FRAS1: variants seen among roughly 807,000 people sequenced by gnomAD.
FRAS1 encodes extracellular matrix organizing protein FRAS1.
In FRAS1, 290 loss-of-function variants were observed where a neutral mutation model predicts 435.2. That is an observed-to-expected ratio of 0.67 (90% confidence interval 0.61 to 0.73). FRAS1 has a LOEUF of 0.73. Among genes scored for constraint, FRAS1 ranks in the 30% least tolerant of loss-of-function variants. The pLI is 0.00. For synonymous variants in FRAS1, 1,800 were observed against 1,851.0 expected, an observed-to-expected ratio of 0.97 and a Z score of 0.71; for missense variants, 4,860 against 5,001.5, an observed-to-expected ratio of 0.97 and a Z score of 0.85.
At chr4:78,319,230 C>A (rs1199412527) in intron 18 of FRAS1, 1 of 538,192 alleles carries the variant, frequency 1.9e-6, no homozygotes, top group East Asian at 3.6e-5. Context: ...AGGTTCCATT[C>A]GCAGGAGTCC....
intron 6 of FRAS1, among the ~76,000 whole-genome samples, chr4:78,256,481 G>T (rs1000085302): frequency 6.6e-6 from 1 of 152,246 alleles, no homozygotes; most frequent in Admixed American, 6.5e-5. Flanking sequence ...TAAGCAGTTT[G>T]CCACCATAAC....
At chr4:78,202,793 T>A (rs1560578688) in intron 2 of FRAS1, among the ~76,000 whole-genome samples, 1 of 152,212 alleles carries the variant, frequency 6.6e-6, no homozygotes, top group Non-Finnish European at 1.5e-5. Flanking sequence ...GCTCCCAAGC[T>A]CCCACACCCA....
intron 22 of FRAS1, among the ~76,000 whole-genome samples, chr4:78,367,988 G>A (rs1177737074): frequency 6.6e-6 from 1 of 152,088 alleles, no homozygotes; most frequent in Non-Finnish European, 1.5e-5. Context: ...CAATTATAAA[G>A]ATTTGCTGAT....
rs752185557 is a variant in FRAS1 at position 78,472,333 on chromosome 4, G to A, written c.7522+3G>A. Reference sequence around the variant, plus strand: ...AGCTGCTGCCACTTTCACCCAGGGTGGGGACTCTCTGGGAACTTAGAAATG... The same window carrying A: ...AGCTGCTGCCACTTTCACCCAGGGTAGGGACTCTCTGGGAACTTAGAAATG... On this transcript the variant is annotated splice_donor_region_variant and intron_variant, in intron 52 of 73. Coordinates refer to ENST00000512123, the MANE Select transcript of FRAS1 (RefSeq NM_025074.7). The A allele has an allele frequency of 6.3e-7, 1 of 1,598,384 alleles. No homozygotes were observed. The highest frequency in any genetic ancestry group is 1.1e-5 in the South Asian group (1 of 89,096).
At chr4:78,249,064 C>CATATATATATATGCAT (rs1725394547) in intron 4 of FRAS1, among the ~76,000 whole-genome samples, 1 of 16,620 alleles carries the variant, frequency 6.0e-5, no homozygotes, top group African/African-American at 1.1e-4. Flanking sequence ...TATATATATG[C>CATATATATATATGCAT]ATATATATAT....
chr4:78,231,786 T>G (rs1292561408), intron 2 of FRAS1, among the ~76,000 whole-genome samples: 1 of 152,034 alleles, frequency 6.6e-6, no homozygotes, highest in African/African-American at 2.4e-5. Context: ...GTTTTTTTTT[T>G]AAAGCACCTT....
rs1731432633 is a variant in FRAS1, at chr4:78,369,972, A to C, written c.2857A>C (p.Asn953His). 6.2e-7 allele frequency: 1 copy of C among 1,613,428 alleles called. No individual in the cohort carries two copies. Among genetic ancestry groups the C allele is most frequent in the Non-Finnish European group, 8.5e-7 (1 of 1,179,522 alleles). Residue 953 changes from asparagine to histidine, a missense_variant, in exon 23 of 74, where the codon AAC (asparagine) becomes CAC (histidine). Physicochemically the swap from Asn to His is moderately conservative, Grantham distance 68 (BLOSUM62 1). Coordinates refer to ENST00000512123, the MANE Select transcript of FRAS1 (RefSeq NM_025074.7). ...APQYYLDFST[N>H]TCKECDWSCS... is the part of the protein sequence containing the mutation. ...ACAGTACTATCTTGACTTCTCCACC[A>C]ACACGTGCAAAGGTAAAGCTCTTCC...
chr4:78,197,737 C>T (rs1722875811), intron 2 of FRAS1, among the ~76,000 whole-genome samples: 2 of 151,944 alleles, frequency 1.3e-5, no homozygotes, highest in African/African-American at 4.8e-5. Context: ...GTCAGGAGAT[C>T]GAGACCATCC....
chr4:78,441,287 C>T lies in FRAS1; in HGVS notation c.5655C>T (p.Asn1885=). ...TGCCCAAATATGGCTGCATTGAGAA[C>T]ACAGGAACAGGTACTACTTCCTGTA... ...SALPKYGCIE[N]TGTGDRFGPE... The change falls in exon 41 of 74, where the codon AAC becomes AAT. Residue 1885 remains asparagine, a synonymous_variant. Coordinates refer to ENST00000512123, the MANE Select transcript of FRAS1 (RefSeq NM_025074.7). 1 of 1,611,964 alleles carries T rather than the reference C, an allele frequency of 6.2e-7. No individual in the cohort carries two copies. Among genetic ancestry groups the T allele is most frequent in the Non-Finnish European group, 8.5e-7 (1 of 1,178,996 alleles).
At chr4:78,455,502 T>A (rs1013782494) in intron 47 of FRAS1, among the ~76,000 whole-genome samples, 1 of 152,188 alleles carries the variant, frequency 6.6e-6, no homozygotes, top group African/African-American at 2.4e-5. Context: ...AGATATTTAT[T>A]TGGGGACCAG....
chr4:78,179,804 C>T (rs141598411), intron 2 of FRAS1, among the ~76,000 whole-genome samples: 80 of 152,254 alleles, frequency 5.3e-4, no homozygotes, highest in African/African-American at 1.9e-3. Flanking sequence ...ATAGGAGCTA[C>T]CCAGGGCATA....
Position 78,441,237 on chromosome 4 carries a change from G to A in FRAS1, c.5605G>A (p.Asp1869Asn). Residue 1869 changes from aspartate to asparagine, a missense_variant, in exon 41 of 74, where the codon GAT becomes AAT. Physicochemically the swap from Asp to Asn is conservative, Grantham distance 23 (BLOSUM62 1). Coordinates refer to ENST00000512123, the MANE Select transcript of FRAS1 (RefSeq NM_025074.7). ...TGATGATGATGACAACCTCCAGAGA[G>A]ATGCCATCATTAAACTAAGTGCTCT... is the stretch of plus-strand genomic sequence containing the variant. ...ATDDDDNLQR[D>N]AIIKLSALPK... 1 of 1,613,690 alleles carries A rather than the reference G, an allele frequency of 6.2e-7. No homozygotes were observed. Among genetic ancestry groups the A allele is most frequent in the Middle Eastern group, 1.6e-4 (1 of 6,062 alleles).
chr4:78,248,242 A>G (rs1022055432), intron 4 of FRAS1, among the ~76,000 whole-genome samples: 1 of 152,216 alleles, frequency 6.6e-6, no homozygotes, highest in East Asian at 1.9e-4. Flanking sequence ...GCAAAGCTAT[A>G]CTTTGAAATT....
chr4:78,345,037 G>A (rs564108985), intron 20 of FRAS1, among the ~76,000 whole-genome samples: 2 of 152,178 alleles, frequency 1.3e-5, no homozygotes, highest in Admixed American at 6.5e-5. Context: ...GTCATATTCC[G>A]TTGTGTTTGG....
chr4:78,380,373 C>A (rs1398624466), intron 27 of FRAS1, among the ~76,000 whole-genome samples: 3 of 152,058 alleles, frequency 2.0e-5, no homozygotes, highest in East Asian at 1.9e-4. Flanking sequence ...GGAGCACATT[C>A]TTTTCAAGGT....
rs531659251 is a variant in FRAS1 at position 78,173,193 on chromosome 4, C to CTGAGGTCTTACACAATG, written c.109-64307_109-64291dup. ...AGTCTTCCTGGGGTTTTGTCACAGT[C>CTGAGGTCTTACACAATG]TGAGGTCTTACACAATGTGAGGTCT... On this transcript the variant is annotated intron_variant, in intron 2 of 73. Coordinates refer to ENST00000512123, the MANE Select transcript of FRAS1 (RefSeq NM_025074.7). Among the ~76,000 whole-genome samples, 8 of 152,316 alleles carry CTGAGGTCTTACACAATG rather than the reference C, an allele frequency of 5.3e-5. No individual in the cohort carries two copies. The South Asian group carries it at 1.2e-3, about 24-fold the overall frequency.
At chr4:78,105,759 T>C (rs984414155) in intron 2 of FRAS1, among the ~76,000 whole-genome samples, 2 of 151,856 alleles carry the variant, frequency 1.3e-5, no homozygotes, top group South Asian at 2.1e-4. Context: ...GATGGCCGAA[T>C]AGGAACAGCT....
At chr4:78,090,359 G>A (rs1022507667) in intron 2 of FRAS1, among the ~76,000 whole-genome samples, 3 of 152,200 alleles carry the variant, frequency 2.0e-5, no homozygotes, top group Non-Finnish European at 2.9e-5. Flanking sequence ...TTTGGACTTT[G>A]AGAGCCAGTT....
intron 34 of FRAS1, among the ~76,000 whole-genome samples, chr4:78,424,185 C>T (rs1733910519): frequency 6.6e-6 from 1 of 152,190 alleles, no homozygotes; most frequent in African/African-American, 2.4e-5. Flanking sequence ...CTATGTGGTC[C>T]TTTTTGCTAT....
Sources: allele counts gnomAD v4.1 joint callset (sites outside exome capture counted in the v4.1 genomes callset), GRCh38; gene constraint gnomAD v4.1.1; transcripts MANE v1.5; gene names NCBI Gene and HGNC (gene_info 2026-07-23, HGNC 2026-07-21).